The following IPO8 variants were observed in gnomAD, a reference collection of about 807,000 sequenced individuals.
The protein encoded by IPO8 is importin 8.
A neutral mutation model predicts 141.2 loss-of-function variants in IPO8; 65 were observed. The ratio of observed to expected loss-of-function variants is 0.46; its 90% CI spans 0.38 to 0.57. The LOEUF (loss-of-function observed/expected upper bound fraction) is 0.57. Among genes scored for constraint, IPO8 ranks in the 20% least tolerant of loss-of-function variants. IPO8 has a pLI of 0.00. For missense variants in IPO8, 980 were observed against 1,246.8 expected (o/e 0.79, Z 3.22); for synonymous variants, 411 against 420.3 (o/e 0.98, Z 0.27).
intron 5 of IPO8, 195 bp downstream of exon 5, chr12:30,680,287 C>T: frequency 2.1e-6 from 1 of 480,198 alleles, no homozygotes; most frequent in Admixed American, 3.7e-5. Flanking sequence ...GTGAAAAGCA[C>T]TTAGGGGCAG....
chr12:30,681,632 T>C, intron 4 of IPO8, 27 bp downstream of exon 4: 1 of 1,598,070 alleles, frequency 6.3e-7, no homozygotes, highest in African/African-American at 1.3e-5. Context: ...CAAGGCTGCT[T>C]TCTTCAGCCA....
chr12:30,674,887 T>C (rs1324527523), intron 6 of IPO8, 134 bp from the exon 7 acceptor site: 3 of 667,372 alleles, frequency 4.5e-6, no homozygotes, highest in Non-Finnish European at 8.1e-6. Flanking sequence ...AAATGAAAAT[T>C]CTTTATAGAT....
Position 30,647,603 on chromosome 12 carries a change from C to CAAAAA in IPO8, c.2268+1529_2268+1533dup, listed in dbSNP as rs34098076. Among the ~76,000 whole-genome samples the CAAAAA allele has an allele frequency of 4.2e-3, 169 of 40,692 alleles. 7 individuals carry two copies. The highest frequency in any genetic ancestry group is 5.6e-3 in the African/African-American group (50 of 8,898). 26.7% of individuals were successfully genotyped at this position (40,692 alleles called of 152,430 possible). A position where few individuals can be genotyped will look rare whatever the true frequency, so the allele number is the denominator to read the frequency against. On this transcript the variant is annotated intron_variant, in intron 20 of 24. Transcript: ENST00000256079. ...CCAGGTGATAGAATGAGACCGTCTC[C>CAAAAA]AAAAAAAAAAAAAAAAAAAAAAGAC... is the stretch of plus-strand genomic sequence containing the variant.
intron 10 of IPO8, 111 bp from the exon 11 acceptor site, chr12:30,666,362 T>C: frequency 1.7e-6 from 1 of 588,844 alleles, no homozygotes; most frequent in Non-Finnish European, 2.9e-6. Context: ...CATCCACATA[T>C]GACACTGCTT....
Position 30,695,534 on chromosome 12 carries a change from G to A in IPO8, c.84+30C>T. 6.2e-7 allele frequency: 1 copy of A among 1,600,176 alleles called. No homozygotes were observed. Among genetic ancestry groups the A allele is most frequent in the East Asian group, 2.2e-5 (1 of 44,616 alleles). ...AGCCGGCAGGGGCGCCCCTTCGGCG[G>A]AAGAGGGTCGCCGAAGACCCTCTCC... On this transcript the variant is annotated intron_variant, in intron 1 of 24. Coordinates refer to ENST00000256079, the MANE Select transcript of IPO8 (RefSeq NM_006390.4). This position sits in a 1 kb window ranked among gnomAD's most constrained non-coding sequence, Gnocchi z 4.2.
At chr12:30,634,052 T>C in intron 23 of IPO8, 31 bp downstream of exon 23, 1 of 1,551,854 alleles carries the variant, frequency 6.4e-7, no homozygotes, top group East Asian at 2.3e-5. Context: ...GAAAAAAAAA[T>C]ATCAGAAGAT....
In IPO8 at chr12:30,634,229, T is replaced by C; in HGVS notation, c.2753A>G (p.Asn918Ser). 1 of 1,614,046 alleles carries C rather than the reference T, an allele frequency of 6.2e-7. No individual in the cohort carries two copies. Among genetic ancestry groups the C allele is most frequent in the Non-Finnish European group, 8.5e-7 (1 of 1,179,902 alleles). Residue 918 changes from asparagine (N) to serine (S), a missense_variant, in exon 23 of 25, where the codon AAT (asparagine) becomes AGT (serine). By Grantham distance (46) the Asn-to-Ser change is conservative. Transcript: ENST00000256079. ...TNVTAQAMQS[N>S]NGRGEDEEEE... Reference sequence around the variant, plus strand: ...CTCCTCATCTTCACCTCTTCCATTATTTGACTGCATTGCTTGAGCAGTTAC... The same window carrying C: ...CTCCTCATCTTCACCTCTTCCATTACTTGACTGCATTGCTTGAGCAGTTAC...
At chr12:30,680,721 A>G in intron 4 of IPO8, 83 bp from the exon 5 acceptor site, 1 of 1,148,524 alleles carries the variant, frequency 8.7e-7, no homozygotes, top group Non-Finnish European at 1.2e-6. Context: ...TATTTTTTAA[A>G]TACATAAAAC....
chr12:30,693,753 A>C (rs772450859), intron 1 of IPO8, among the ~76,000 whole-genome samples: 1 of 152,226 alleles, frequency 6.6e-6, no homozygotes, highest in African/African-American at 2.4e-5. Flanking sequence ...ATGCTAAATG[A>C]GTGGTATAGC....
rs1308345719 is a variant in IPO8, at chr12:30,662,361, A to AC, written c.1720dup (p.Val574GlyfsTer7). On this transcript the variant is annotated frameshift_variant, in exon 15 of 25. Transcript: ENST00000256079. LOFTEE classifies it high-confidence loss of function. The stretch of plus-strand genomic sequence containing the variant: ...GGTCATATCAACAGCAATTGAGGCT[A>AC]CCTCTTGACTGTATTCACATATCAT... 1 of 1,613,874 alleles carries AC rather than the reference A, an allele frequency of 6.2e-7. No individual in the cohort carries two copies. The highest frequency in any genetic ancestry group is 1.1e-5 in the South Asian group (1 of 91,052).
At chr12:30,674,884 A>G in intron 6 of IPO8, 131 bp from the exon 7 acceptor site, 1 of 672,682 alleles carries the variant, frequency 1.5e-6, no homozygotes, top group South Asian at 1.7e-5. Flanking sequence ...TACAAATGAA[A>G]ATTCTTTATA....
intron 22 of IPO8, among the ~76,000 whole-genome samples, chr12:30,634,699 C>G (rs889411340): frequency 6.6e-6 from 1 of 151,968 alleles, no homozygotes; most frequent in African/African-American, 2.4e-5. Flanking sequence ...ACAATGACTT[C>G]CTATTGAGAA....
chr12:30,659,969 T>A (rs2052862228), intron 16 of IPO8, among the ~76,000 whole-genome samples: 1 of 151,906 alleles, frequency 6.6e-6, no homozygotes. Context: ...ATGCCTTTAA[T>A]CCCAGCACTT....
At chr12:30,665,704 T>C (rs1398911436) in intron 12 of IPO8, 25 bp downstream of exon 12, 3 of 1,392,256 alleles carry the variant, frequency 2.2e-6, no homozygotes, top group Admixed American at 3.4e-5. Flanking sequence ...TGTTATTAAG[T>C]AAATTAAATT....
intron 20 of IPO8, among the ~76,000 whole-genome samples, chr12:30,644,356 G>C (rs1473345839): frequency 6.9e-6 from 1 of 145,276 alleles, no homozygotes; most frequent in East Asian, 2.0e-4. Context: ...AGGCAAAAGA[G>C]AGATCCAATC....
At chr12:30,673,936 G>A (rs2053084579) in intron 8 of IPO8, 54 bp downstream of exon 8, 1 of 1,041,610 alleles carries the variant, frequency 9.6e-7, no homozygotes, top group Non-Finnish European at 1.4e-6. Context: ...AGACAGAAAT[G>A]CCTTTACTTT....
At chr12:30,669,690 TAGG>T (rs964186440) in intron 9 of IPO8, among the ~76,000 whole-genome samples, 7 of 151,406 alleles carry the variant, frequency 4.6e-5, no homozygotes, top group Non-Finnish European at 1.0e-4. Context: ...CTCTTGAGCC[TAGG>T]AGCTCAGGGC....
At chr12:30,654,529 A>G (rs1405737551) in intron 17 of IPO8, among the ~76,000 whole-genome samples, 3 of 152,076 alleles carry the variant, frequency 2.0e-5, no homozygotes, top group East Asian at 1.9e-4. Context: ...CAGTAGAAAG[A>G]AAATAACCCA....
At chr12:30,681,912 T>A in intron 3 of IPO8, 95 bp from the exon 4 acceptor site, 1 of 996,250 alleles carries the variant, frequency 1.0e-6, no homozygotes, top group Non-Finnish European at 1.4e-6. Context: ...TGTTATCTTC[T>A]ATTTACGTGT....
Sources: gnomAD v4.1 joint callset for allele counts (sites outside exome capture counted in the v4.1 genomes callset) on GRCh38, gnomAD v4.1.1 for gene constraint, Gnocchi (gnomAD v3.1) non-coding constraint, MANE v1.5 for transcripts, NCBI Gene and HGNC (gene_info 2026-07-23, HGNC 2026-07-21) for gene names.